Variants in GP2 observed in about 807,000 individuals in gnomAD.
The protein encoded by GP2 is glycoprotein 2.
Under a neutral mutation model 60.8 loss-of-function variants are expected in GP2, and 58 were observed. The ratio of observed to expected loss-of-function variants is 0.95; its 90% confidence interval spans 0.77 to 1.19. The LOEUF (loss-of-function observed/expected upper bound fraction) is 1.19. GP2 is among the 50% of genes most tolerant of loss of function. The pLI, the probability that GP2 is intolerant of heterozygous loss-of-function variation, is 0.00. For synonymous variants in GP2, 280 were observed against 253.4 expected, an observed-to-expected ratio of 1.10 and a Z score of -1.00; for missense variants, 647 against 667.4, an observed-to-expected ratio of 0.97 and a Z score of 0.34.
intron 1 of GP2, 88 bp from the exon 2 acceptor site, chr16:20,326,555 C>A: frequency 5.5e-6 from 6 of 1,083,134 alleles, no homozygotes; most frequent in Middle Eastern, 2.1e-4. Flanking sequence ...TAAAGAGCTG[C>A]ATTGTTTCAA....
chr16:20,312,744 G>A (rs556439693), intron 10 of GP2, among the ~76,000 whole-genome samples: 9 of 151,784 alleles, frequency 5.9e-5, no homozygotes, highest in Non-Finnish European at 1.0e-4. Flanking sequence ...TCCTCCTCCC[G>A]GGTTCAAGTG....
chr16:20,318,337 A>G lies in GP2; in HGVS notation c.1101T>C (p.Asp367=), dbSNP rs1402370235. The G allele has an allele frequency of 6.2e-7, 1 of 1,613,754 alleles. No individual in the cohort carries two copies. Among genetic ancestry groups the G allele is most frequent in the South Asian group, 1.1e-5 (1 of 91,078 alleles). The change falls in exon 7 of 11, where the codon GAT becomes GAC. Residue 367 remains aspartate, a synonymous_variant. Coordinates refer to ENST00000302555, the MANE Select transcript of GP2 (RefSeq NM_001502.4). ...DQNYTNPYEG[D]AVELSVESVL... is the part of the protein sequence containing the mutation. ...CGGACTCAACAGACAGTTCAACTGCATCCCCTTCGTAAGGATTCGTGTAGT... is the reference window on the plus strand; with the variant it reads ...CGGACTCAACAGACAGTTCAACTGCGTCCCCTTCGTAAGGATTCGTGTAGT...
chr16:20,319,628 G>GGGCT lies in GP2; in HGVS notation c.995_998dup (p.Ile334AlafsTer38). ...AAGGGTCAATGCCATACCTTACAAT[G>GGGCT]GGCTGCAAGGCAGCTTGGAGGCTGA... On this transcript the variant is annotated frameshift_variant, in exon 6 of 11. Transcript: ENST00000302555. LOFTEE classifies it high-confidence loss of function. 6.2e-7 allele frequency: 1 copy of GGGCT among 1,611,352 alleles called. No individual in the cohort carries two copies.
At chr16:20,326,645 A>T in intron 1 of GP2, 178 bp from the exon 2 acceptor site, 1 of 577,326 alleles carries the variant, frequency 1.7e-6, no homozygotes, top group Non-Finnish European at 3.1e-6. Flanking sequence ...GCAAGCTTAG[A>T]GCTGGCTAGT....
chr16:20,326,939 T>G, intron 1 of GP2: 1 of 167,456 alleles, frequency 6.0e-6, no homozygotes, highest in Non-Finnish European at 1.3e-5. Flanking sequence ...CAGTAGAGGA[T>G]TAAGGATGAA....
intron 10 of GP2, among the ~76,000 whole-genome samples, chr16:20,312,841 G>T (rs370312286): frequency 3.5e-4 from 53 of 152,068 alleles, no homozygotes; most frequent in African/African-American, 1.2e-3. Flanking sequence ...GTAGAGTCAG[G>T]GTTTCTCCAT....
At position 20,323,826 on chromosome 16, in the gene GP2, T is replaced by G. The variant is rs1964447977; in HGVS notation, c.525A>C (p.Arg175Ser). ...RLEGTPWCNL[R>S]YCTDPSTVED... is the part of the protein sequence containing the mutation. ...GGCTCTGCTGCTCACCTGTGCAGTA[T>G]CTCAGATTACACCAGGGAGTGCCTT... Residue 175 changes from arginine (R) to serine (S), a missense_variant, in exon 3 of 11, where the codon AGA (arginine) becomes AGC (serine). Arg to Ser is a moderately radical substitution (Grantham distance 110, BLOSUM62 -1). Transcript: ENST00000302555. 1.2e-6 allele frequency: 2 copies of G among 1,609,086 alleles called. No homozygotes were observed. Among genetic ancestry groups the G allele is most frequent in the Non-Finnish European group, 1.7e-6 (2 of 1,177,128 alleles).
intron 1 of GP2, 105 bp from the exon 2 acceptor site, chr16:20,326,572 TG>T (rs1964541508): frequency 6.6e-6 from 6 of 907,698 alleles, no homozygotes; most frequent in Non-Finnish European, 9.9e-6. Context: ...TCAAAGTAGG[TG>T]TGACTTATGG....
chr16:20,320,240 C>T, intron 5 of GP2, 22 bp downstream of exon 5: 2 of 1,543,436 alleles, frequency 1.3e-6, no homozygotes, highest in Non-Finnish European at 1.8e-6. Context: ...CTTCTGGCAG[C>T]AGTGGTGTGA....
rs1337274609 is a variant in GP2 at position 20,311,410 on chromosome 16, A to G, written c.1547-129T>C. ...AGCATCTTTGATATCTGGCCTAGTT[A>G]TAGTCTCTGGGACTCACATGGTAGA... is the stretch of plus-strand genomic sequence containing the variant. On this transcript the variant is annotated intron_variant, in intron 10 of 10. Coordinates refer to ENST00000302555, the MANE Select transcript of GP2 (RefSeq NM_001502.4). The G allele has an allele frequency of 6.0e-6, 4 of 663,074 alleles. No individual in the cohort carries two copies. The East Asian group carries it at 8.2e-5, about 14-fold the overall frequency. The allele number at this position is 663,074 out of a possible 1,614,324, so 41.1% of individuals were successfully genotyped here.
chr16:20,314,523 C>A, intron 10 of GP2, 134 bp downstream of exon 10: 1 of 730,368 alleles, frequency 1.4e-6, no homozygotes, highest in South Asian at 1.6e-5. Context: ...ATACTGTGGG[C>A]ATCTCAAAGG....
chr16:20,316,152 C>T (rs540730828), intron 8 of GP2, 112 bp from the exon 9 acceptor site: 68 of 658,794 alleles, frequency 1.0e-4, no homozygotes, highest in Middle Eastern at 7.4e-4. Context: ...AACTGGTTCA[C>T]GCTATGGCCC....
Position 20,310,547 on chromosome 16 carries a change from A to G in GP2, c.*676T>C, listed in dbSNP as rs1403172629. On this transcript the variant is annotated 3_prime_UTR_variant, in exon 11 of 11. Transcript: ENST00000302555. ...CAGTCAGAACAGGAGATGCTTAGGA[A>G]GGAATCGTGGCTGGTGCCTCTTCTC... The G allele has an allele frequency of 1.3e-5, 2 of 152,216 alleles. No individual in the cohort carries two copies. The highest frequency in any genetic ancestry group is 4.8e-5 in the African/African-American group (2 of 41,426). The allele number at this position is 152,216 out of a possible 1,614,324, so 9.4% of individuals were successfully genotyped here. A position where few individuals can be genotyped will look rare whatever the true frequency, so the allele number is the denominator to read the frequency against.
chr16:20,322,335 G>C (rs1438401863), intron 4 of GP2, among the ~76,000 whole-genome samples: 1 of 152,126 alleles, frequency 6.6e-6, no homozygotes, highest in Non-Finnish European at 1.5e-5. Flanking sequence ...CTACCCATGG[G>C]ACATCTCACT....
chr16:20,319,591 G>T, intron 6 of GP2, 29 bp downstream of exon 6: 1 of 1,567,410 alleles, frequency 6.4e-7, no homozygotes, highest in Middle Eastern at 1.7e-4. Context: ...CCAGGGTTAT[G>T]GGTCAAAGGG....
rs1596515223 is a variant in GP2 at position 20,311,152 on chromosome 16, C to G, written c.*71G>C. ...AGCCTGTGTGAATTGGAGTGGAAAG[C>G]AGAAGTGCTGAAGGGAGCCATTGCC... is the stretch of plus-strand genomic sequence containing the variant. On this transcript the variant is annotated 3_prime_UTR_variant, in exon 11 of 11. Transcript: ENST00000302555. 1.1e-6 allele frequency: 1 copy of G among 913,078 alleles called. No homozygotes were observed. Among genetic ancestry groups the G allele is most frequent in the East Asian group, 2.4e-5 (1 of 41,508 alleles). The allele number at this position is 913,078 out of a possible 1,614,324, so 56.6% of individuals were successfully genotyped here. A position where few individuals can be genotyped will look rare whatever the true frequency, so the allele number is the denominator to read the frequency against.
At chr16:20,319,962 C>CA (rs748562883) in intron 5 of GP2, among the ~76,000 whole-genome samples, 194 bp from the exon 6 acceptor site, 1 of 152,004 alleles carries the variant, frequency 6.6e-6, no homozygotes, top group Non-Finnish European at 1.5e-5. Context: ...GGAAACCAGG[C>CA]AAAAAACTAG....
At chr16:20,327,246 C>G in intron 1 of GP2, 1 of 331,728 alleles carries the variant, frequency 3.0e-6, no homozygotes, top group Non-Finnish European at 5.9e-6. Flanking sequence ...ATATCTGGGA[C>G]AAGGAAGAGG....
In GP2 at chr16:20,318,154, G is replaced by C. The variant is rs778404305; in HGVS notation, c.1253+31C>G. The C allele has an allele frequency of 1.1e-5, 17 of 1,594,786 alleles. No individual in the cohort carries two copies. In the African/African-American group the frequency reaches 1.9e-4, roughly 18 times the overall value. ...ACACTTTCCTGTAAACGTTAGTAAG[G>C]CCAAATGATAATTCCAGAATTGCTC... On this transcript the variant is annotated intron_variant, in intron 7 of 10. Transcript: ENST00000302555.
Sources: gnomAD v4.1 joint callset for allele counts (sites outside exome capture counted in the v4.1 genomes callset) on GRCh38, gnomAD v4.1.1 for gene constraint, MANE v1.5 for transcripts, NCBI Gene and HGNC (gene_info 2026-07-23, HGNC 2026-07-21) for gene names.